CNTNAP4: variants seen among roughly 807,000 people sequenced by gnomAD.
CNTNAP4 encodes the protein contactin associated protein family member 4, also known as contactin-associated protein-like 4.
A neutral mutation model predicts 148.4 loss-of-function variants in CNTNAP4; 98 were observed. The ratio of observed to expected loss-of-function variants is 0.66; its 90% CI spans 0.56 to 0.78. The LOEUF (loss-of-function observed/expected upper bound fraction) is 0.78, where lower values mean the gene tolerates loss of function less well. Ranked by LOEUF, CNTNAP4 falls within the 30% of genes least tolerant of loss-of-function variation. The pLI, the probability that CNTNAP4 is intolerant of heterozygous loss-of-function variation, is 0.00. For missense variants in CNTNAP4, 1,935 were observed against 1,565.6 expected (o/e 1.24, Z -3.98); for synonymous variants, 730 against 565.1 (o/e 1.29, Z -4.14).
At chr16:76,524,124 A>AT (rs2083607923) in intron 17 of CNTNAP4, among the ~76,000 whole-genome samples, 1 of 152,132 alleles carries the variant, frequency 6.6e-6, no homozygotes, top group South Asian at 2.1e-4. Flanking sequence ...TATTTGTGTA[A>AT]TTACTGTTTT....
chr16:76,459,117 C>G (rs535652178), intron 8 of CNTNAP4, among the ~76,000 whole-genome samples: 1 of 152,140 alleles, frequency 6.6e-6, no homozygotes, highest in Non-Finnish European at 1.5e-5. Flanking sequence ...TAGAGTCTTG[C>G]ACACAGGGCT....
intron 17 of CNTNAP4, among the ~76,000 whole-genome samples, chr16:76,523,886 C>T (rs756012527): frequency 8.5e-5 from 13 of 152,118 alleles, no homozygotes; most frequent in African/African-American, 9.7e-5. Flanking sequence ...ACTATGATCA[C>T]GCTACTGCAC....
intron 3 of CNTNAP4, among the ~76,000 whole-genome samples, chr16:76,374,416 T>A (rs1418770045): frequency 6.6e-6 from 1 of 152,160 alleles, no homozygotes; most frequent in Non-Finnish European, 1.5e-5. Flanking sequence ...TGTAAAAAAA[T>A]TAATATATCA....
At chr16:76,546,077 G>C (rs2084717441) in intron 21 of CNTNAP4, among the ~76,000 whole-genome samples, 1 of 151,544 alleles carries the variant, frequency 6.6e-6, no homozygotes, top group Non-Finnish European at 1.5e-5. Flanking sequence ...CCAGGAATAA[G>C]TAAAAAATAA....
intron 3 of CNTNAP4, among the ~76,000 whole-genome samples, chr16:76,395,748 C>T (rs531313247): frequency 6.9e-4 from 102 of 147,404 alleles, no homozygotes; most frequent in African/African-American, 2.5e-3. Flanking sequence ...TTTTTTTTTT[C>T]GACAAGGTCT....
At chr16:76,342,808 C>G (rs1204127023) in intron 2 of CNTNAP4, among the ~76,000 whole-genome samples, 2 of 152,098 alleles carry the variant, frequency 1.3e-5, no homozygotes, top group Non-Finnish European at 2.9e-5. Context: ...TTTTATATTC[C>G]TAAGTATCTG....
chr16:76,296,660 G>T (rs1279128590), intron 1 of CNTNAP4, among the ~76,000 whole-genome samples: 1 of 152,102 alleles, frequency 6.6e-6, no homozygotes, highest in African/African-American at 2.4e-5. Flanking sequence ...GAGAGAGAGA[G>T]AGAAGAAAGA....
intron 17 of CNTNAP4, among the ~76,000 whole-genome samples, chr16:76,533,865 C>G (rs978539008): frequency 8.5e-5 from 13 of 152,102 alleles, no homozygotes; most frequent in Admixed American, 7.9e-4. Flanking sequence ...CCCTTAAGAC[C>G]TTGGCATCCT....
At chr16:76,377,615 G>A (rs896964672) in intron 3 of CNTNAP4, among the ~76,000 whole-genome samples, 1 of 152,232 alleles carries the variant, frequency 6.6e-6, no homozygotes, top group East Asian at 1.9e-4. Flanking sequence ...AGTTGCAAGG[G>A]GTGTGAAGAA....
chr16:76,367,926 G>C (rs1433823102), intron 3 of CNTNAP4, among the ~76,000 whole-genome samples: 1 of 152,060 alleles, frequency 6.6e-6, no homozygotes, highest in Non-Finnish European at 1.5e-5. Flanking sequence ...CTGATTTCCA[G>C]GTTATGTCTG....
At chr16:76,542,454 C>T (rs2084504244) in intron 21 of CNTNAP4, among the ~76,000 whole-genome samples, 1 of 152,118 alleles carries the variant, frequency 6.6e-6, no homozygotes, top group African/African-American at 2.4e-5. Flanking sequence ...AAACAAGCAG[C>T]AACAAAAACA....
At chr16:76,374,915 C>T (rs943161381) in intron 3 of CNTNAP4, among the ~76,000 whole-genome samples, 1 of 151,850 alleles carries the variant, frequency 6.6e-6, no homozygotes, top group Non-Finnish European at 1.5e-5. Flanking sequence ...ATTAAGGTGC[C>T]TGCCACTATG....
intron 21 of CNTNAP4, among the ~76,000 whole-genome samples, chr16:76,551,802 TTTAAC>T (rs1292109363): frequency 3.3e-5 from 5 of 152,332 alleles, no homozygotes; most frequent in Admixed American, 3.3e-4. Context: ...TTACTTTTAA[TTTAAC>T]TTAACTTCCT....
intron 2 of CNTNAP4, among the ~76,000 whole-genome samples, chr16:76,334,153 C>A (rs1963806796): frequency 6.7e-6 from 1 of 149,840 alleles, no homozygotes; most frequent in African/African-American, 2.5e-5. Context: ...GCACGTTGTG[C>A]ACATGTACCC....
intron 3 of CNTNAP4, among the ~76,000 whole-genome samples, chr16:76,364,776 T>C (rs2013905712): frequency 1.3e-5 from 2 of 152,216 alleles, no homozygotes; most frequent in Admixed American, 1.3e-4. Context: ...ATTAAGTATA[T>C]TTTAAATAGA....
At chr16:76,386,128 A>G (rs1205559400) in intron 3 of CNTNAP4, among the ~76,000 whole-genome samples, 6 of 152,214 alleles carry the variant, frequency 3.9e-5, no homozygotes, top group Admixed American at 2.6e-4. Context: ...ACTGAAGCAC[A>G]TAAAGCTTTG....
At chr16:76,380,418 A>T (rs142017555) in intron 3 of CNTNAP4, among the ~76,000 whole-genome samples, 2 of 152,338 alleles carry the variant, frequency 1.3e-5, no homozygotes, top group East Asian at 3.9e-4. Context: ...TAAGTTCCCA[A>T]TGCTTTCCTT....
At chr16:76,379,526 C>T (rs2015756935) in intron 3 of CNTNAP4, among the ~76,000 whole-genome samples, 1 of 152,128 alleles carries the variant, frequency 6.6e-6, no homozygotes, top group Non-Finnish European at 1.5e-5. Context: ...CTTTCTCTAA[C>T]TGATTTTGTC....
chr16:76,443,740 CAT>C (rs1477999206), intron 4 of CNTNAP4, among the ~76,000 whole-genome samples: 3 of 152,114 alleles, frequency 2.0e-5, no homozygotes, highest in African/African-American at 7.2e-5. Flanking sequence ...TCTATTTACT[CAT>C]ATCTTTCATA....
Sources: gnomAD v4.1 joint callset for allele counts (sites outside exome capture counted in the v4.1 genomes callset) on GRCh38, gnomAD v4.1.1 for gene constraint, MANE v1.5 for transcripts, NCBI Gene and HGNC (gene_info 2026-07-23, HGNC 2026-07-21) for gene names.